ZNF678: variants seen among roughly 807,000 people sequenced by gnomAD.
ZNF678 encodes the protein zinc finger protein 678.
In ZNF678, 5 loss-of-function variants were observed where a neutral mutation model predicts 3.0. That is an observed-to-expected ratio of 1.69 (90% CI 0.88 to 3.56). The LOEUF (loss-of-function observed/expected upper bound fraction) is 3.56. ZNF678 is among the 30% of genes most tolerant of loss of function. The probability of loss-of-function intolerance (pLI) is 0.00; values close to 1 mark genes in which losing one functional copy is unlikely to be tolerated. For synonymous variants in ZNF678, 218 were observed against 199.6 expected, an observed-to-expected ratio of 1.09 and a Z score of -0.78; for missense variants, 593 against 605.0, an observed-to-expected ratio of 0.98 and a Z score of 0.21.
chr1:227,609,080 G>A (rs1305152257), intron 1 of ZNF678, among the ~76,000 whole-genome samples: 3 of 152,032 alleles, frequency 2.0e-5, no homozygotes, highest in East Asian at 1.9e-4. Flanking sequence ...ATATTTAAAT[G>A]TATATAAAGG....
intron 1 of ZNF678, among the ~76,000 whole-genome samples, chr1:227,626,323 T>C (rs1342339212): frequency 1.3e-5 from 2 of 152,180 alleles, no homozygotes; most frequent in Non-Finnish European, 2.9e-5. Context: ...TCGAATGTGA[T>C]GTATCCAAGA....
chr1:227,577,659 A>G (rs1398198830), intron 1 of ZNF678, among the ~76,000 whole-genome samples: 1 of 152,172 alleles, frequency 6.6e-6, no homozygotes, highest in Admixed American at 6.5e-5. Context: ...TCTTGAAGAC[A>G]GCATACCAGT....
At chr1:227,609,484 A>G (rs1008986317) in intron 1 of ZNF678, among the ~76,000 whole-genome samples, 1 of 152,098 alleles carries the variant, frequency 6.6e-6, no homozygotes, top group Non-Finnish European at 1.5e-5. Flanking sequence ...CGCTCCTCCA[A>G]TTCTCCACCC....
At chr1:227,606,810 T>G (rs964163584) in intron 1 of ZNF678, among the ~76,000 whole-genome samples, 2 of 152,196 alleles carry the variant, frequency 1.3e-5, no homozygotes, top group East Asian at 3.8e-4. Context: ...GCAGACATAT[T>G]GTTAACAAGG....
chr1:227,621,445 G>A lies in ZNF678; in HGVS notation c.-163-25099G>A, dbSNP rs960394976. 7.2e-5 allele frequency among the ~76,000 whole-genome samples: 11 copies of A among 152,158 alleles called. No homozygotes were observed. The East Asian group carries it at 7.7e-4, about 11-fold the overall frequency. The stretch of plus-strand genomic sequence containing the variant: ...TGAGTAGCTCTTTTGGAGCTGGCCC[G>A]TCTTACAAGGAAGTTCATATATGTC... On this transcript the variant is annotated intron_variant, in intron 1 of 3. Coordinates refer to ENST00000343776, the MANE Select transcript of ZNF678 (RefSeq NM_001367909.1).
chr1:227,591,455 T>G (rs925474290), intron 1 of ZNF678, among the ~76,000 whole-genome samples: 1 of 152,220 alleles, frequency 6.6e-6, no homozygotes. Context: ...TAAATGTACT[T>G]ATTTTCTGCC....
chr1:227,662,465 A>G (rs1172187086), downstream of ZNF678: 1 of 152,198 alleles, frequency 6.6e-6, no homozygotes, highest in East Asian at 1.9e-4. Flanking sequence ...TAACGCACAT[A>G]CTTGTTTTCT....
At chr1:227,615,517 T>C (rs141049191) in intron 1 of ZNF678, among the ~76,000 whole-genome samples, 15 of 152,318 alleles carry the variant, frequency 9.8e-5, no homozygotes, top group African/African-American at 3.6e-4. Context: ...TTCTGAGTCC[T>C]CCTGGTCCTC....
intron 1 of ZNF678, among the ~76,000 whole-genome samples, chr1:227,582,336 A>G (rs1025260592): frequency 4.6e-5 from 7 of 151,802 alleles, no homozygotes; most frequent in African/African-American, 1.7e-4. Context: ...TGTGTATGAG[A>G]TAGGTTTTAC....
chr1:227,649,174 A>G (rs983134751), intron 2 of ZNF678, among the ~76,000 whole-genome samples: 11 of 152,224 alleles, frequency 7.2e-5, no homozygotes, highest in African/African-American at 2.7e-4. Flanking sequence ...ATGAGGATGC[A>G]GCTATTTCTT....
chr1:227,671,265 A>G (rs1304436515), intron 5 of ZNF678, among the ~76,000 whole-genome samples: 2 of 151,918 alleles, frequency 1.3e-5, no homozygotes, highest in East Asian at 3.9e-4. Flanking sequence ...AAAATTGTAG[A>G]GACAGGACCT....
intron 1 of ZNF678, among the ~76,000 whole-genome samples, chr1:227,613,670 C>G (rs1229400878): frequency 6.6e-6 from 1 of 152,214 alleles, no homozygotes; most frequent in Non-Finnish European, 1.5e-5. Context: ...ATTGCAACCT[C>G]TGCCTTTGCT....
At position 227,661,611 on chromosome 1, in the gene ZNF678, T is replaced by C. The variant is rs1436383059; in HGVS notation, c.*5783T>C. ...GTCCCTACAAGAACCCTATGAGGTT[T>C]ATCTTCTTTTCACCCATTTTGAGAG... On this transcript the variant is annotated 3_prime_UTR_variant, in exon 4 of 4. Coordinates refer to ENST00000343776, the MANE Select transcript of ZNF678 (RefSeq NM_001367909.1). The C allele has an allele frequency of 1.3e-5, 2 of 152,208 alleles. No individual in the cohort carries two copies. Among genetic ancestry groups the C allele is most frequent in the Non-Finnish European group, 2.9e-5 (2 of 68,042 alleles). 9.4% of individuals were successfully genotyped at this position (152,208 alleles called of 1,614,324 possible).
intron 5 of ZNF678, among the ~76,000 whole-genome samples, chr1:227,669,472 T>TAA (rs200522135): frequency 2.1e-5 from 3 of 141,412 alleles, no homozygotes; most frequent in African/African-American, 5.6e-5. Flanking sequence ...CCGTCTCTAC[T>TAA]AAAAATATAT....
intron 1 of ZNF678, among the ~76,000 whole-genome samples, chr1:227,597,921 T>C (rs965522894): frequency 3.9e-5 from 6 of 152,132 alleles, no homozygotes; most frequent in Non-Finnish European, 8.8e-5. Flanking sequence ...GCTAAAGAGA[T>C]AGCAAACCAG....
chr1:227,661,302 G>C lies in ZNF678; in HGVS notation c.*5474G>C, dbSNP rs202087422. On this transcript the variant is annotated 3_prime_UTR_variant, in exon 4 of 4. Coordinates refer to ENST00000343776, the MANE Select transcript of ZNF678 (RefSeq NM_001367909.1). ...TGTTGTTTTGTTTTGTTTTGTTTTT[G>C]TTGTTGTTGTTGTTGTTGTTTACCA... 2.0e-5 allele frequency: 1 copy of C among 49,712 alleles called. No homozygotes were observed. The highest frequency in any genetic ancestry group is 4.0e-5 in the Non-Finnish European group (1 of 25,284). 3.1% of individuals were successfully genotyped at this position (49,712 alleles called of 1,614,324 possible).
chr1:227,594,860 A>C (rs920708435), intron 1 of ZNF678, among the ~76,000 whole-genome samples: 1 of 151,782 alleles, frequency 6.6e-6, no homozygotes, highest in Non-Finnish European at 1.5e-5. Flanking sequence ...TTTTTTCCTT[A>C]GGTTACTTCT....
At chr1:227,577,883 C>T (rs891164806) in intron 1 of ZNF678, among the ~76,000 whole-genome samples, 23 of 152,270 alleles carry the variant, frequency 1.5e-4, no homozygotes, top group Admixed American at 4.6e-4. Context: ...ACAGTCTTTT[C>T]TCTCCATATT....
rs932554504 is a variant in ZNF678 at position 227,662,120 on chromosome 1, C to T, written c.*6292C>T. ...TGTGGAGGTTGGGGATTGATTCAAA[C>T]ATTAATACTTTCAAGCGTTTCTATG... is the stretch of plus-strand genomic sequence containing the variant. On this transcript the variant is annotated 3_prime_UTR_variant, in exon 4 of 4. Coordinates refer to ENST00000343776, the MANE Select transcript of ZNF678 (RefSeq NM_001367909.1). 8 of 152,194 alleles carry T rather than the reference C, an allele frequency of 5.3e-5. No individual in the cohort carries two copies. Among genetic ancestry groups the T allele is most frequent in the African/African-American group, 1.9e-4 (8 of 41,424 alleles). 9.4% of individuals were successfully genotyped at this position (152,194 alleles called of 1,614,324 possible). A position where few individuals can be genotyped will look rare whatever the true frequency, so the allele number is the denominator to read the frequency against.
Sources: allele counts gnomAD v4.1 joint callset (sites outside exome capture counted in the v4.1 genomes callset), GRCh38; gene constraint gnomAD v4.1.1; transcripts MANE v1.5; gene names NCBI Gene and HGNC (gene_info 2026-07-23, HGNC 2026-07-21).